LRP1B: variants seen among roughly 807,000 people sequenced by gnomAD.
LRP1B encodes the protein low-density lipoprotein receptor-related protein 1B.
Under a neutral mutation model 556.6 loss-of-function variants are expected in LRP1B, and 217 were observed. The ratio of observed to expected loss-of-function variants is 0.39; its 90% confidence interval spans 0.35 to 0.44. LRP1B has a LOEUF of 0.44. Ranked by LOEUF, LRP1B falls within the 20% of genes least tolerant of loss-of-function variation. The pLI, the probability that LRP1B is intolerant of heterozygous loss-of-function variation, is 1.00. For missense variants in LRP1B, 5,053 were observed against 5,620.8 expected, an observed-to-expected ratio of 0.90 and a Z score of 3.23; for synonymous variants, 2,047 against 1,865.8, an observed-to-expected ratio of 1.10 and a Z score of -2.50.
intron 1 of LRP1B, among the ~76,000 whole-genome samples, chr2:142,034,956 A>G (rs367825465): frequency 6.6e-6 from 1 of 151,798 alleles, no homozygotes; most frequent in East Asian, 1.9e-4. Flanking sequence ...ATTAATATGA[A>G]TATTTGATAT....
chr2:140,815,867 CTTTTTTT>C (rs36080198), intron 31 of LRP1B, among the ~76,000 whole-genome samples: 1 of 91,224 alleles, frequency 1.1e-5, no homozygotes, highest in Non-Finnish European at 2.6e-5. Flanking sequence ...TGTTGTCTCT[CTTTTTTT>C]TTTTTTTTTG....
At chr2:141,996,796 T>G (rs556696113) in intron 1 of LRP1B, among the ~76,000 whole-genome samples, 1 of 147,664 alleles carries the variant, frequency 6.8e-6, no homozygotes, top group African/African-American at 2.5e-5. Context: ...TCCTTTGGGG[T>G]TTTTATATAC....
chr2:140,263,758 C>T (rs990710846), intron 86 of LRP1B, among the ~76,000 whole-genome samples: 3 of 151,046 alleles, frequency 2.0e-5, no homozygotes, highest in South Asian at 2.1e-4. Context: ...CCAGAAATAA[C>T]GTTAACATCC....
chr2:140,813,256 T>A (rs188913267), intron 32 of LRP1B, among the ~76,000 whole-genome samples: 1 of 152,312 alleles, frequency 6.6e-6, no homozygotes, highest in East Asian at 1.9e-4. Flanking sequence ...GACCCTGTTG[T>A]CTTGTCTTTT....
chr2:141,218,273 C>T (rs1682895940), intron 6 of LRP1B, among the ~76,000 whole-genome samples: 1 of 152,146 alleles, frequency 6.6e-6, no homozygotes, highest in East Asian at 1.9e-4. Context: ...ACCTAGTGAT[C>T]CCATTACTAG....
chr2:141,487,702 T>A (rs4402694), intron 2 of LRP1B, among the ~76,000 whole-genome samples: 139,223 of 152,154 alleles, frequency 0.92, 64,121 homozygotes, highest in East Asian at 1. Flanking sequence ...TTTATGCAAT[T>A]CCATCATCTA....
chr2:141,688,751 G>A (rs41320547), intron 2 of LRP1B, among the ~76,000 whole-genome samples: 9,247 of 151,828 alleles, frequency 0.061, 476 homozygotes, highest in South Asian at 0.14. Flanking sequence ...CACAGTTAAA[G>A]TCATTACGTC....
chr2:140,896,393 G>T (rs1400929090), intron 23 of LRP1B, among the ~76,000 whole-genome samples: 1 of 151,922 alleles, frequency 6.6e-6, no homozygotes, highest in African/African-American at 2.4e-5. Context: ...AGATTGTAAA[G>T]AATCAGAGAA....
chr2:141,124,872 G>T (rs954368076), intron 7 of LRP1B, among the ~76,000 whole-genome samples: 37 of 151,986 alleles, frequency 2.4e-4, no homozygotes, highest in Admixed American at 7.2e-4. Context: ...GGAAGAGATG[G>T]ATTGTATGCA....
chr2:141,961,977 G>A (rs535439790), intron 1 of LRP1B, among the ~76,000 whole-genome samples: 1 of 151,668 alleles, frequency 6.6e-6, no homozygotes, highest in Non-Finnish European at 1.5e-5. Flanking sequence ...ATTTAAATTA[G>A]ATTTCTCAAC....
intron 2 of LRP1B, among the ~76,000 whole-genome samples, chr2:141,759,334 A>T (rs1694447937): frequency 6.6e-6 from 1 of 152,210 alleles, no homozygotes; most frequent in South Asian, 2.1e-4. Context: ...TTGCATAATG[A>T]CAAAATAACG....
At chr2:141,273,145 T>C (rs7600926) in intron 3 of LRP1B, among the ~76,000 whole-genome samples, 42,022 of 151,786 alleles carry the variant, frequency 0.28, 6,319 homozygotes, top group Middle Eastern at 0.45. Flanking sequence ...CCCATCTCTA[T>C]GAAAAATACA....
At chr2:141,842,583 T>A (rs1440304032) in intron 1 of LRP1B, among the ~76,000 whole-genome samples, 1 of 152,146 alleles carries the variant, frequency 6.6e-6, no homozygotes, top group Non-Finnish European at 1.5e-5. Context: ...TAGTGTTAAA[T>A]GTGTCAATTA....
intron 66 of LRP1B, among the ~76,000 whole-genome samples, chr2:140,417,671 C>A (rs1009950045): frequency 6.6e-6 from 1 of 152,142 alleles, no homozygotes; most frequent in Non-Finnish European, 1.5e-5. Flanking sequence ...GGAGTGGCTG[C>A]CATGACTGCA....
chr2:141,977,691 T>C (rs573385524), intron 1 of LRP1B, among the ~76,000 whole-genome samples: 2 of 152,328 alleles, frequency 1.3e-5, no homozygotes, highest in African/African-American at 4.8e-5. Flanking sequence ...TGAAATATCA[T>C]CTTGGGTTTA....
At chr2:141,331,795 G>A (rs184251747) in intron 3 of LRP1B, among the ~76,000 whole-genome samples, 9 of 152,160 alleles carry the variant, frequency 5.9e-5, no homozygotes, top group Admixed American at 6.5e-5. Flanking sequence ...CAAATTGTCT[G>A]TTAAGATTGA....
intron 66 of LRP1B, among the ~76,000 whole-genome samples, chr2:140,390,969 G>T (rs1316690989): frequency 6.6e-6 from 1 of 151,838 alleles, no homozygotes; most frequent in Non-Finnish European, 1.5e-5. Flanking sequence ...CTCTCTTGCT[G>T]GTTTTCATAA....
chr2:140,425,444 C>T (rs189782052), intron 66 of LRP1B, among the ~76,000 whole-genome samples: 1 of 152,156 alleles, frequency 6.6e-6, no homozygotes, highest in Admixed American at 6.5e-5. Flanking sequence ...GCTCTTGTTG[C>T]CCAGGCTGGA....
chr2:140,412,609 A>G (rs1310136610), intron 66 of LRP1B, among the ~76,000 whole-genome samples: 1 of 152,084 alleles, frequency 6.6e-6, no homozygotes, highest in Non-Finnish European at 1.5e-5. Context: ...ACTATGTGTC[A>G]GATCTAATGT....
Sources: gnomAD v4.1 joint callset for allele counts (sites outside exome capture counted in the v4.1 genomes callset) on GRCh38, gnomAD v4.1.1 for gene constraint, MANE v1.5 for transcripts, NCBI Gene and HGNC (gene_info 2026-07-23, HGNC 2026-07-21) for gene names.